Variants in COL19A1 observed in about 807,000 individuals in gnomAD.
COL19A1 encodes the protein collagen alpha-1(XIX) chain.
A neutral mutation model predicts 190.2 loss-of-function variants in COL19A1; 159 were observed. The observed-to-expected ratio is 0.84, with a 90% confidence interval of 0.73 to 0.95. COL19A1 has a LOEUF of 0.95. Ranked by LOEUF, COL19A1 falls within the 40% of genes least tolerant of loss-of-function variation. The pLI is 0.00. For synonymous variants in COL19A1, 509 were observed against 458.9 expected (o/e 1.11, Z -1.39); for missense variants, 1,418 against 1,431.9 (o/e 0.99, Z 0.16).
rs145031731 is a variant in COL19A1 at position 69,892,235 on chromosome 6, A to C, written c.92-6713A>C. ...TTGCAGGATAATTGCTCAGAACTAGAATATTGATCCAGATTTCTACATTAC... is the reference window on the plus strand; with the variant it reads ...TTGCAGGATAATTGCTCAGAACTAGCATATTGATCCAGATTTCTACATTAC... On this transcript the variant is annotated intron_variant, in intron 2 of 50. Transcript: ENST00000620364. 8.2e-3 allele frequency among the ~76,000 whole-genome samples: 1,247 copies of C among 152,318 alleles called. 17 individuals are homozygous for C. The highest frequency in any genetic ancestry group is 0.026 in the African/African-American group (1,085 of 41,564).
In COL19A1 at chr6:70,212,144, G is replaced by C. The variant is rs1768242987; in HGVS notation, c.*4870G>C. Among the ~76,000 whole-genome samples, 1 of 152,120 alleles carries C rather than the reference G, an allele frequency of 6.6e-6. No homozygotes were observed. Among genetic ancestry groups the C allele is most frequent in the Non-Finnish European group, 1.5e-5 (1 of 68,000 alleles). On this transcript the variant is annotated 3_prime_UTR_variant, in exon 51 of 51. Coordinates refer to ENST00000620364, the MANE Select transcript of COL19A1 (RefSeq NM_001858.6). Reference sequence around the variant, plus strand: ...ATTTTACAACTTTTTATTGTATTGTGTTATGCAAAGTACATTTTGGAGATA... The same window carrying C: ...ATTTTACAACTTTTTATTGTATTGTCTTATGCAAAGTACATTTTGGAGATA...
intron 11 of COL19A1, among the ~76,000 whole-genome samples, chr6:69,976,544 G>A (rs1775723893): frequency 6.6e-6 from 1 of 152,166 alleles, no homozygotes; most frequent in African/African-American, 2.4e-5. Flanking sequence ...GGAAGGAAGA[G>A]GAGTGAGTAC....
intron 11 of COL19A1, among the ~76,000 whole-genome samples, chr6:69,977,990 AAC>A (rs1775819079): frequency 6.6e-6 from 1 of 152,208 alleles, no homozygotes. Flanking sequence ...ACTAGCCAGA[AAC>A]ACAGTCTCTT....
intron 1 of COL19A1, among the ~76,000 whole-genome samples, chr6:69,871,135 C>T (rs574474104): frequency 6.6e-6 from 1 of 152,268 alleles, no homozygotes; most frequent in South Asian, 2.1e-4. Context: ...TAGACCTAGT[C>T]GTAAACTCTT....
intron 11 of COL19A1, among the ~76,000 whole-genome samples, chr6:69,966,718 T>C (rs1198207065): frequency 2.6e-5 from 4 of 151,002 alleles, no homozygotes; most frequent in African/African-American, 9.7e-5. Flanking sequence ...TATTGTCCTA[T>C]GACCCCGCCA....
intron 12 of COL19A1, among the ~76,000 whole-genome samples, chr6:70,027,272 TG>T (rs1322299487): frequency 5.3e-5 from 8 of 152,316 alleles, no homozygotes; most frequent in African/African-American, 1.7e-4. Flanking sequence ...TTAGTGTCAA[TG>T]TATCTTATAA....
At chr6:70,043,719 A>G (rs957248316) in intron 14 of COL19A1, among the ~76,000 whole-genome samples, 3 of 152,194 alleles carry the variant, frequency 2.0e-5, no homozygotes, top group African/African-American at 7.2e-5. Flanking sequence ...TCAGTAAACC[A>G]TGCTATAAGC....
chr6:69,931,879 G>C (rs192724555), intron 6 of COL19A1, among the ~76,000 whole-genome samples: 2 of 152,000 alleles, frequency 1.3e-5, no homozygotes, highest in Non-Finnish European at 2.9e-5. Context: ...TAAAGTTGGA[G>C]TAGAGATTCA....
chr6:70,069,724 C>T (rs544228576), intron 15 of COL19A1, among the ~76,000 whole-genome samples: 1 of 152,120 alleles, frequency 6.6e-6, no homozygotes, highest in Non-Finnish European at 1.5e-5. Context: ...TTAATGAAAA[C>T]TGCTAAGTCA....
At chr6:70,102,129 G>C (rs769644378) in intron 15 of COL19A1, 40 bp from the exon 16 acceptor site, 17 of 1,445,926 alleles carry the variant, frequency 1.2e-5, no homozygotes, top group Middle Eastern at 1.7e-4. Context: ...AAATATAATG[G>C]AGTCACAGTA....
At chr6:70,203,381 C>T (rs1221893275) in intron 49 of COL19A1, among the ~76,000 whole-genome samples, 1 of 152,130 alleles carries the variant, frequency 6.6e-6, no homozygotes, top group Non-Finnish European at 1.5e-5. Flanking sequence ...ATCATACATA[C>T]TGTTTGTAGG....
intron 11 of COL19A1, among the ~76,000 whole-genome samples, chr6:70,016,305 A>T (rs1001162105): frequency 1.3e-5 from 1 of 79,730 alleles, no homozygotes; most frequent in African/African-American, 6.6e-5. Context: ...AGCATGGCAC[A>T]TGTATACATA....
Position 70,168,116 on chromosome 6 carries a change from G to A in COL19A1, c.2496+41G>A, listed in dbSNP as rs753112223. Reference sequence around the variant, plus strand: ...ATTATTTAAAATCCAGTTATAGACTGCTGTAAATTCGTCTCATCTTTCTCT... The same window carrying A: ...ATTATTTAAAATCCAGTTATAGACTACTGTAAATTCGTCTCATCTTTCTCT... On this transcript the variant is annotated intron_variant, in intron 38 of 50. Coordinates refer to ENST00000620364, the MANE Select transcript of COL19A1 (RefSeq NM_001858.6). 3 of 1,597,740 alleles carry A rather than the reference G, an allele frequency of 1.9e-6. No individual in the cohort carries two copies. In the Admixed American group the frequency reaches 5.0e-5, roughly 27 times the overall value.
intron 4 of COL19A1, among the ~76,000 whole-genome samples, chr6:69,924,207 CTCGT>C (rs1582417535): frequency 6.6e-6 from 1 of 152,122 alleles, no homozygotes; most frequent in East Asian, 1.9e-4. Flanking sequence ...CACCCATTAA[CTCGT>C]CATTTACATT....
rs149084573 is a variant in COL19A1 at position 70,176,564 on chromosome 6, G to A, written c.2667G>A (p.Ser889=). The change falls in exon 42 of 51, where the codon TCG becomes TCA. Residue 889 remains serine, a splice_region_variant and synonymous_variant. Transcript: ENST00000620364. ...PAGPPGIAGM[S]GKPGAPGPPG... is the part of the protein sequence containing the mutation. ...GTCCCCCAGGAATAGCAGGGATGTC[G>A]GTGAGTTCAGATTACTTCACATCAT... 1.2e-4 allele frequency: 187 copies of A among 1,613,040 alleles called. 2 individuals carry two copies. The highest frequency in any genetic ancestry group is 5.9e-4 in the South Asian group (54 of 90,858).
chr6:70,120,251 C>T (rs960927383), intron 16 of COL19A1, among the ~76,000 whole-genome samples: 1 of 152,180 alleles, frequency 6.6e-6, no homozygotes, highest in African/African-American at 2.4e-5. Context: ...AATTTACCTA[C>T]TTCATCACTG....
At chr6:70,007,906 C>A (rs559665742) in intron 11 of COL19A1, among the ~76,000 whole-genome samples, 1 of 151,718 alleles carries the variant, frequency 6.6e-6, no homozygotes, top group East Asian at 1.9e-4. Flanking sequence ...AATTCGACAT[C>A]AATATTAGAA....
chr6:70,075,223 A>G (rs1049784777), intron 15 of COL19A1, among the ~76,000 whole-genome samples: 7 of 152,216 alleles, frequency 4.6e-5, no homozygotes, highest in Admixed American at 4.6e-4. Context: ...TACCCTATTC[A>G]GGTCCAAGCA....
chr6:70,066,618 G>T (rs1267673977), intron 14 of COL19A1, among the ~76,000 whole-genome samples: 2 of 151,290 alleles, frequency 1.3e-5, no homozygotes, highest in South Asian at 4.2e-4. Flanking sequence ...ATATATAAAA[G>T]AAAATTTAGT....
Sources: allele counts gnomAD v4.1 joint callset (sites outside exome capture counted in the v4.1 genomes callset), GRCh38; gene constraint gnomAD v4.1.1; transcripts MANE v1.5; gene names NCBI Gene and HGNC (gene_info 2026-07-23, HGNC 2026-07-21).